IPCEF1: variants seen among roughly 807,000 people sequenced by gnomAD.
The protein encoded by IPCEF1 is interactor protein for cytohesin exchange factors 1.
IPCEF1 carries 31 observed loss-of-function variants against 50.9 expected under a neutral mutation model. The ratio of observed to expected loss-of-function variants is 0.61; its 90% CI spans 0.46 to 0.82. IPCEF1 has a LOEUF of 0.82. Among genes scored for constraint, IPCEF1 ranks in the 40% least tolerant of loss-of-function variants. IPCEF1 has a pLI of 0.00. For missense variants in IPCEF1, 458 were observed against 514.0 expected (o/e 0.89, Z 1.05); for synonymous variants, 181 against 192.0 (o/e 0.94, Z 0.47).
chr6:154,214,300 T>C lies in IPCEF1; in HGVS notation c.393-24A>G, dbSNP rs752334694. ...ACCTAAAATTCAAATAGAAAGCAAA[T>C]GTTGACCAAAGAGATTAGCCCCCCA... On this transcript the variant is annotated intron_variant, in intron 7 of 11. Transcript: ENST00000367220. 1.7e-5 allele frequency: 27 copies of C among 1,569,692 alleles called. No individual in the cohort carries two copies. In the South Asian group the frequency reaches 2.8e-4, roughly 16 times the overall value.
intron 10 of IPCEF1, among the ~76,000 whole-genome samples, chr6:154,185,270 G>A (rs1801239185): frequency 6.6e-6 from 1 of 152,228 alleles, no homozygotes; most frequent in African/African-American, 2.4e-5. Context: ...AGCAGCTATA[G>A]ACATGGAGCT....
intron 1 of IPCEF1, among the ~76,000 whole-genome samples, chr6:154,300,563 A>G (rs1449457714): frequency 1.3e-5 from 2 of 152,302 alleles, no homozygotes; most frequent in South Asian, 2.1e-4. Flanking sequence ...ACATTGAACT[A>G]TGATGACAAC....
intron 1 of IPCEF1, among the ~76,000 whole-genome samples, chr6:154,328,043 A>G (rs2128691335): frequency 6.6e-6 from 1 of 152,260 alleles, no homozygotes; most frequent in South Asian, 2.1e-4. Context: ...GGGGCTAACA[A>G]CACACACTGG....
At chr6:154,199,579 T>A (rs1352055173) in intron 10 of IPCEF1, 89 bp downstream of exon 10, 2 of 1,380,528 alleles carry the variant, frequency 1.4e-6, no homozygotes, top group Non-Finnish European at 1.9e-6. Context: ...TTCATGAGTT[T>A]AACCATTCTT....
At chr6:154,278,922 C>T (rs1782135088) in intron 2 of IPCEF1, among the ~76,000 whole-genome samples, 1 of 145,476 alleles carries the variant, frequency 6.9e-6, no homozygotes, top group Non-Finnish European at 1.5e-5. Context: ...TGAGACCAGC[C>T]TGGGCAACAT....
intron 1 of IPCEF1, among the ~76,000 whole-genome samples, chr6:154,315,074 G>T (rs1283938702): frequency 6.6e-6 from 1 of 152,070 alleles, no homozygotes; most frequent in African/African-American, 2.4e-5. Context: ...GTAGAGACAG[G>T]ATTTCACCAT....
At chr6:154,231,745 G>A (rs978596306) in intron 5 of IPCEF1, among the ~76,000 whole-genome samples, 2 of 152,188 alleles carry the variant, frequency 1.3e-5, no homozygotes. Context: ...GAAGAAAGAG[G>A]ATAGAGAACA....
chr6:154,159,744 C>T lies in IPCEF1; in HGVS notation c.*84G>A, dbSNP rs2128545769. The T allele has an allele frequency of 1.4e-5, 15 of 1,107,042 alleles. No individual in the cohort carries two copies. In the South Asian group the frequency reaches 2.0e-4, roughly 15 times the overall value. 68.6% of individuals were successfully genotyped at this position (1,107,042 alleles called of 1,614,324 possible). A position where few individuals can be genotyped will look rare whatever the true frequency, so the allele number is the denominator to read the frequency against. ...CTTGAAGGACTGGGTTTCAGTTTTC[C>T]TTTTAAGGAAAAATGTAAGCTTTTG... On this transcript the variant is annotated 3_prime_UTR_variant, in exon 12 of 12. Transcript: ENST00000367220.
chr6:154,324,893 C>T (rs1783482891), intron 1 of IPCEF1, among the ~76,000 whole-genome samples: 1 of 151,592 alleles, frequency 6.6e-6, no homozygotes, highest in Non-Finnish European at 1.5e-5. Context: ...GGTTTTTTTC[C>T]AGCATGGAAA....
intron 1 of IPCEF1, among the ~76,000 whole-genome samples, chr6:154,328,679 C>T (rs1340161062): frequency 6.6e-6 from 1 of 151,958 alleles, no homozygotes; most frequent in Non-Finnish European, 1.5e-5. Flanking sequence ...CTCTTTCTCT[C>T]CTCTCTCTGC....
chr6:154,209,796 G>A (rs188677391), intron 9 of IPCEF1, among the ~76,000 whole-genome samples: 130 of 152,196 alleles, frequency 8.5e-4, no homozygotes, highest in African/African-American at 3.0e-3. Flanking sequence ...TATGTGATCA[G>A]GAGGAACACA....
At chr6:154,222,133 C>T (rs1778914147) in intron 6 of IPCEF1, among the ~76,000 whole-genome samples, 1 of 152,166 alleles carries the variant, frequency 6.6e-6, no homozygotes, top group African/African-American at 2.4e-5. Flanking sequence ...TCAAGGCACC[C>T]TTTGTTAGTA....
intron 9 of IPCEF1, among the ~76,000 whole-genome samples, chr6:154,206,392 C>A (rs913211702): frequency 6.6e-6 from 1 of 152,086 alleles, no homozygotes; most frequent in African/African-American, 2.4e-5. Flanking sequence ...AAGAAATTTG[C>A]GGGGGTTGTG....
chr6:154,235,538 A>AG (rs1323750257), intron 5 of IPCEF1, among the ~76,000 whole-genome samples: 1 of 148,914 alleles, frequency 6.7e-6, no homozygotes, highest in African/African-American at 2.4e-5. Context: ...TCACAAAAAA[A>AG]AAAAAAAAAA....
chr6:154,332,508 A>C (rs1245172996), intron 1 of IPCEF1, among the ~76,000 whole-genome samples: 1 of 152,164 alleles, frequency 6.6e-6, no homozygotes, highest in African/African-American at 2.4e-5. Context: ...TTCAAGAATC[A>C]AGTTTTATGT....
In IPCEF1 at chr6:154,159,796, A is replaced by G. The variant is rs1386795623; in HGVS notation, c.*32T>C. On this transcript the variant is annotated 3_prime_UTR_variant, in exon 12 of 12. Transcript: ENST00000367220. ...AACATCTTGAAGAGTTGCTTGTGAT[A>G]AAATATAAGAGGAGAAAACCCTGAC... 1.3e-6 allele frequency: 2 copies of G among 1,532,216 alleles called. No individual in the cohort carries two copies. Among genetic ancestry groups the G allele is most frequent in the East Asian group, 4.5e-5 (2 of 44,464 alleles). The allele number at this position is 1,532,216 out of a possible 1,614,324, so 94.9% of individuals were successfully genotyped here.
intron 1 of IPCEF1, among the ~76,000 whole-genome samples, chr6:154,351,561 A>T (rs1053200991): frequency 2.6e-5 from 4 of 152,252 alleles, no homozygotes; most frequent in Admixed American, 2.0e-4. Flanking sequence ...TGCTCTGCTC[A>T]GACTCGCCCT....
intron 2 of IPCEF1, among the ~76,000 whole-genome samples, chr6:154,278,943 T>C: frequency 6.8e-6 from 1 of 147,482 alleles, no homozygotes; most frequent in Admixed American, 6.8e-5. Flanking sequence ...GGTGAAACCC[T>C]GTCTCTACCA....
chr6:154,173,685 T>C (rs1027207790), intron 10 of IPCEF1, among the ~76,000 whole-genome samples: 1 of 152,124 alleles, frequency 6.6e-6, no homozygotes, highest in Non-Finnish European at 1.5e-5. Context: ...AAAGACCAAA[T>C]CTACATTTGA....
Sources: allele counts gnomAD v4.1 joint callset (sites outside exome capture counted in the v4.1 genomes callset), GRCh38; gene constraint gnomAD v4.1.1; transcripts MANE v1.5; gene names NCBI Gene and HGNC (gene_info 2026-07-23, HGNC 2026-07-21).